DLGAP1: variants seen among roughly 807,000 people sequenced by gnomAD.
The protein encoded by DLGAP1 is disks large-associated protein 1.
A neutral mutation model predicts 90.8 loss-of-function variants in DLGAP1; 11 were observed. The observed-to-expected ratio is 0.12, with a 90% confidence interval of 0.08 to 0.20. The LOEUF (loss-of-function observed/expected upper bound fraction) is 0.20, where lower values mean the gene tolerates loss of function less well. Ranked by LOEUF, DLGAP1 falls within the 10% of genes least tolerant of loss-of-function variation. DLGAP1 has a pLI of 1.00. For missense variants in DLGAP1, 1,050 were observed against 1,333.8 expected (o/e 0.79, Z 3.31); for synonymous variants, 558 against 540.7 (o/e 1.03, Z -0.44).
chr18:3,969,556 C>A (rs547212121), intron 3 of DLGAP1, among the ~76,000 whole-genome samples: 1 of 152,154 alleles, frequency 6.6e-6, no homozygotes, highest in Admixed American at 6.5e-5. Flanking sequence ...TAAAAGAGAT[C>A]CAGAAAAAAG....
chr18:3,536,175 TTTCC>T (rs202168586), intron 9 of DLGAP1, among the ~76,000 whole-genome samples: 1,831 of 151,830 alleles, frequency 0.012, 35 homozygotes, highest in African/African-American at 0.041. Flanking sequence ...TCTTTCTTTC[TTTCC>T]TTCCTTCCTT....
At chr18:4,177,721 G>GT (rs1360096369) in intron 1 of DLGAP1, among the ~76,000 whole-genome samples, 1 of 151,946 alleles carries the variant, frequency 6.6e-6, no homozygotes, top group African/African-American at 2.4e-5. Flanking sequence ...TGCAGTATTT[G>GT]TTTTTTTGTT....
At chr18:4,402,919 C>T (rs17364183) in intron 1 of DLGAP1, among the ~76,000 whole-genome samples, 1 of 152,030 alleles carries the variant, frequency 6.6e-6, no homozygotes, top group Admixed American at 6.6e-5. Flanking sequence ...TTATCTCCAA[C>T]AATATTGTAC....
chr18:3,845,667 CGT>C (rs938172409), intron 4 of DLGAP1: 14 of 931,522 alleles, frequency 1.5e-5, no homozygotes, highest in Non-Finnish European at 1.7e-5. Context: ...TAGGGGGTAA[CGT>C]ATATTCTGTC....
chr18:3,626,676 T>C (rs1356813554), intron 7 of DLGAP1, among the ~76,000 whole-genome samples: 2 of 148,786 alleles, frequency 1.3e-5, no homozygotes, highest in East Asian at 4.0e-4. Flanking sequence ...GAGGTGGAGG[T>C]GGGCGGATCA....
At chr18:3,507,153 C>A (rs2050273733) in intron 11 of DLGAP1, among the ~76,000 whole-genome samples, 1 of 152,036 alleles carries the variant, frequency 6.6e-6, no homozygotes, top group East Asian at 1.9e-4. Context: ...ACATAAATTT[C>A]TTTCAGTCTG....
rs73940349 is a variant in DLGAP1 at position 3,938,623 on chromosome 18, G to C, written c.-72-58483C>G. Among the ~76,000 whole-genome samples, 270 of 152,322 alleles carry C rather than the reference G, an allele frequency of 1.8e-3. 1 individual carries two copies. The highest frequency in any genetic ancestry group is 6.0e-3 in the African/African-American group (250 of 41,568). On this transcript the variant is annotated intron_variant, in intron 3 of 12. Transcript: ENST00000315677. ...CAGGTGCCCAGGAGAATGTCAGATA[G>C]ATGGTATTTGCTCAGTTAATATTCT...
rs1018247297 is a variant in DLGAP1 at position 3,496,569 on chromosome 18, C to T, written c.*2616G>A. ...GTTTTTTGATGTGGGAGACAAACTTCTTTTGTAATCCCCCCCTCCCCAAGA... is the reference window on the plus strand; with the variant it reads ...GTTTTTTGATGTGGGAGACAAACTTTTTTTGTAATCCCCCCCTCCCCAAGA... On this transcript the variant is annotated 3_prime_UTR_variant, in exon 13 of 13. Transcript: ENST00000315677. 1.3e-5 allele frequency: 2 copies of T among 151,932 alleles called. No individual in the cohort carries two copies. Among genetic ancestry groups the T allele is most frequent in the African/African-American group, 4.8e-5 (2 of 41,260 alleles). The allele number at this position is 151,932 out of a possible 1,614,324, so 9.4% of individuals were successfully genotyped here.
intron 9 of DLGAP1, among the ~76,000 whole-genome samples, chr18:3,555,092 G>A (rs1221815396): frequency 2.0e-5 from 3 of 151,940 alleles, no homozygotes; most frequent in Middle Eastern, 3.4e-3. Flanking sequence ...CCATCTGCCC[G>A]ATATTGCTTT....
chr18:4,041,631 T>C (rs1005489172), intron 2 of DLGAP1, among the ~76,000 whole-genome samples: 1 of 152,158 alleles, frequency 6.6e-6, no homozygotes, highest in African/African-American at 2.4e-5. Context: ...ATCTTGTTCT[T>C]CCACTCATAC....
At chr18:4,012,718 CTTTT>C (rs553319955) in intron 2 of DLGAP1, among the ~76,000 whole-genome samples, 3 of 141,982 alleles carry the variant, frequency 2.1e-5, no homozygotes, top group African/African-American at 2.6e-5. Context: ...TGCTCCTGTT[CTTTT>C]TTTTTTTTTT....
intron 1 of DLGAP1, among the ~76,000 whole-genome samples, chr18:4,407,601 G>T (rs528511061): frequency 6.6e-6 from 1 of 152,154 alleles, no homozygotes; most frequent in East Asian, 1.9e-4. Context: ...CTAACAGGCC[G>T]AGTGCGCTGG....
intron 3 of DLGAP1, among the ~76,000 whole-genome samples, chr18:3,967,658 A>G (rs992745837): frequency 9.2e-5 from 14 of 152,220 alleles, no homozygotes; most frequent in African/African-American, 3.4e-4. Context: ...AGTGTAAAAC[A>G]GATGTAATGG....
intron 8 of DLGAP1, among the ~76,000 whole-genome samples, chr18:3,568,843 C>T (rs1266234835): frequency 4.6e-5 from 7 of 151,892 alleles, no homozygotes; most frequent in Non-Finnish European, 1.0e-4. Flanking sequence ...CCCGCCACCA[C>T]GCCTGGCTAA....
In DLGAP1 at chr18:4,383,352, T is replaced by G. The variant is rs188008635; in HGVS notation, c.-267+71654A>C. ...ACTTAAACTCAAAATATTTAGTACA[T>G]TAATGGGATTTTCATGGTTTTCATT... On this transcript the variant is annotated intron_variant, in intron 1 of 12. Transcript: ENST00000315677. This position sits in a 1 kb window ranked among gnomAD's most constrained non-coding sequence, Gnocchi z 4.0. 2.7e-3 allele frequency among the ~76,000 whole-genome samples: 417 copies of G among 152,280 alleles called. 7 individuals are homozygous for G. Among genetic ancestry groups the G allele is most frequent in the South Asian group, 0.021 (101 of 4,824 alleles).
intron 2 of DLGAP1, among the ~76,000 whole-genome samples, chr18:4,099,337 A>ATCTG (rs2075739853): frequency 1.6e-5 from 2 of 123,850 alleles, no homozygotes; most frequent in South Asian, 5.1e-4. Context: ...CTATCTATCT[A>ATCTG]TCTATCTATC....
At chr18:4,139,836 A>G (rs2076466945) in intron 2 of DLGAP1, among the ~76,000 whole-genome samples, 1 of 151,918 alleles carries the variant, frequency 6.6e-6, no homozygotes, top group Non-Finnish European at 1.5e-5. Flanking sequence ...CCTCTTGCTG[A>G]ATTGAACCCT....
chr18:4,398,521 C>A (rs2082484940), intron 1 of DLGAP1, among the ~76,000 whole-genome samples: 1 of 152,148 alleles, frequency 6.6e-6, no homozygotes, highest in Admixed American at 6.5e-5. Context: ...GTGTAGCAGA[C>A]CCGCAGTGTC....
At chr18:3,838,912 C>T (rs376465510) in intron 4 of DLGAP1, among the ~76,000 whole-genome samples, 1 of 152,048 alleles carries the variant, frequency 6.6e-6, no homozygotes, top group South Asian at 2.1e-4. Context: ...CCTTTCATAG[C>T]CTGCTTTGGT....
Sources: allele counts gnomAD v4.1 joint callset (sites outside exome capture counted in the v4.1 genomes callset), GRCh38; gene constraint gnomAD v4.1.1; non-coding constraint Gnocchi (gnomAD v3.1); transcripts MANE v1.5; gene names NCBI Gene and HGNC (gene_info 2026-07-23, HGNC 2026-07-21).